Variants in SMAP2 observed in about 807,000 individuals in gnomAD.
SMAP2 encodes the protein small ArfGAP2, also known as stromal membrane-associated protein 2.
Under a neutral mutation model 56.4 loss-of-function variants are expected in SMAP2, and 25 were observed. The observed-to-expected ratio is 0.44, with a 90% CI of 0.32 to 0.62. The LOEUF (loss-of-function observed/expected upper bound fraction) is 0.62. Ranked by LOEUF, SMAP2 falls within the 20% of genes least tolerant of loss-of-function variation. The probability of loss-of-function intolerance (pLI) is 0.04; values close to 1 mark genes in which losing one functional copy is unlikely to be tolerated. For synonymous variants in SMAP2, 157 were observed against 181.7 expected, an observed-to-expected ratio of 0.86 and a Z score of 1.09; for missense variants, 388 against 545.6, an observed-to-expected ratio of 0.71 and a Z score of 2.88.
At chr1:40,371,264 T>A (rs982879415), upstream of SMAP2, among the ~76,000 whole-genome samples, 2 of 151,960 alleles carry the variant, frequency 1.3e-5, no homozygotes, top group Non-Finnish European at 2.9e-5. Context: ...GCAAGACTAG[T>A]CAAAGCAAAA....
At chr1:40,394,896 C>T (rs990026264) in intron 1 of SMAP2, among the ~76,000 whole-genome samples, 1 of 152,106 alleles carries the variant, frequency 6.6e-6, no homozygotes, top group East Asian at 1.9e-4. Context: ...TGTATCCCAT[C>T]CCCAAATCAG....
At chr1:40,347,242 T>G (rs66855799) in intron 1 of SMAP2, among the ~76,000 whole-genome samples, 616 of 30,492 alleles carry the variant, frequency 0.02, 10 homozygotes, top group African/African-American at 0.084. Flanking sequence ...GTGTGTGTGT[T>G]TTGTTTTTGT....
intron 3 of SMAP2, among the ~76,000 whole-genome samples, chr1:40,409,184 C>G (rs908679359): frequency 3.9e-5 from 6 of 152,210 alleles, no homozygotes; most frequent in Non-Finnish European, 7.3e-5. Context: ...CTTTCTTCCA[C>G]CATCTGTTCA....
intron 9 of SMAP2, among the ~76,000 whole-genome samples, chr1:40,420,549 G>GATTGACACATTTGCAAAGA (rs1553122791): frequency 6.6e-6 from 1 of 152,128 alleles, no homozygotes; most frequent in Non-Finnish European, 1.5e-5. Flanking sequence ...AAGAGCAAAG[G>GATTGACACATTTGCAAAGA]ATTGACACAT....
chr1:40,386,853 C>CTTTTT lies in SMAP2; in HGVS notation c.103+12644_103+12648dup, dbSNP rs57984975. 7.9e-6 allele frequency among the ~76,000 whole-genome samples: 1 copy of CTTTTT among 127,364 alleles called. No individual in the cohort carries two copies. The highest frequency in any genetic ancestry group is 1.7e-5 in the Non-Finnish European group (1 of 60,206). The allele number at this position is 127,364 out of a possible 152,430, so 83.6% of individuals were successfully genotyped here. A position where few individuals can be genotyped will look rare whatever the true frequency, so the allele number is the denominator to read the frequency against. On this transcript the variant is annotated intron_variant, in intron 1 of 9. Transcript: ENST00000372718. This position sits in a 1 kb window ranked among gnomAD's most constrained non-coding sequence, Gnocchi z 4.1. ...GATGCTGAAGGTATTTTTCATAATT[C>CTTTTT]TTTTTTTTTTTTTTTTTTGGAGACA...
At chr1:40,362,859 G>T (rs574233013) in intron 2 of SMAP2, among the ~76,000 whole-genome samples, 1 of 152,150 alleles carries the variant, frequency 6.6e-6, no homozygotes. Context: ...GAATTCCAGG[G>T]TGATGATTAC....
At chr1:40,345,403 G>C (rs1455281404) in intron 1 of SMAP2, among the ~76,000 whole-genome samples, 1 of 149,866 alleles carries the variant, frequency 6.7e-6, no homozygotes, top group Non-Finnish European at 1.5e-5. Context: ...AAAAAAAAAA[G>C]TAAACAGCAT....
rs1403920798 is a variant in SMAP2 at position 40,385,881 on chromosome 1, G to A, written c.103+11658G>A. On this transcript the variant is annotated intron_variant, in intron 1 of 9. Transcript: ENST00000372718. This position sits in a 1 kb window ranked among gnomAD's most constrained non-coding sequence, Gnocchi z 4.5. ...CTAACTGGAAGTCCCCAAATGTGTGGATTTAGAAATGAGTTCTCTAGTGTT... is the reference window on the plus strand; with the variant it reads ...CTAACTGGAAGTCCCCAAATGTGTGAATTTAGAAATGAGTTCTCTAGTGTT... Among the ~76,000 whole-genome samples, 1 of 152,200 alleles carries A rather than the reference G, an allele frequency of 6.6e-6. No homozygotes were observed. Among genetic ancestry groups the A allele is most frequent in the African/African-American group, 2.4e-5 (1 of 41,436 alleles).
intron 9 of SMAP2, among the ~76,000 whole-genome samples, chr1:40,419,942 G>A (rs186389218): frequency 6.6e-4 from 100 of 152,140 alleles, no homozygotes; most frequent in African/African-American, 2.2e-3. Context: ...ATGTAGCTCT[G>A]GTCTTTGAAG....
chr1:40,400,616 C>T (rs2982508), intron 1 of SMAP2, among the ~76,000 whole-genome samples: 32,704 of 151,752 alleles, frequency 0.22, 4,856 homozygotes, highest in African/African-American at 0.43. Flanking sequence ...CTGACTGACG[C>T]AATGGAATGG....
Position 40,379,557 on chromosome 1 carries a change from T to C in SMAP2, c.103+5334T>C, listed in dbSNP as rs551074140. On this transcript the variant is annotated intron_variant, in intron 1 of 9. Coordinates refer to ENST00000372718, the MANE Select transcript of SMAP2 (RefSeq NM_022733.3). ...ATTTGGAAGACACTGTTGTCTCTCT[T>C]TTTTTTTTTTTTTTTTTTTTTTGAG... Among the ~76,000 whole-genome samples the C allele has an allele frequency of 8.8e-5, 5 of 56,506 alleles. No homozygotes were observed. In the South Asian group the frequency reaches 1.9e-3, roughly 21 times the overall value. The allele number at this position is 56,506 out of a possible 152,430, so 37.1% of individuals were successfully genotyped here. A position where few individuals can be genotyped will look rare whatever the true frequency, so the allele number is the denominator to read the frequency against.
At chr1:40,416,537 A>G (rs1294624972) in intron 8 of SMAP2, among the ~76,000 whole-genome samples, 196 bp downstream of exon 8, 1 of 152,208 alleles carries the variant, frequency 6.6e-6, no homozygotes, top group Non-Finnish European at 1.5e-5. Flanking sequence ...GTCTGGGGTC[A>G]CAATTCGGTG....
intron 1 of SMAP2, among the ~76,000 whole-genome samples, chr1:40,352,600 A>G (rs909790084): frequency 6.6e-6 from 1 of 152,036 alleles, no homozygotes; most frequent in African/African-American, 2.4e-5. Flanking sequence ...GTGCAGTGGC[A>G]TGATCATAGC....
At chr1:40,384,339 A>T (rs77101338) in intron 1 of SMAP2, among the ~76,000 whole-genome samples, 8,582 of 152,250 alleles carry the variant, frequency 0.056, 815 homozygotes, top group African/African-American at 0.2. Flanking sequence ...TGGGTGAGGG[A>T]GGCAAGATCA....
chr1:40,353,356 TA>T (rs1463540132), intron 1 of SMAP2, among the ~76,000 whole-genome samples: 3 of 152,186 alleles, frequency 2.0e-5, no homozygotes, highest in Non-Finnish European at 4.4e-5. Flanking sequence ...TGCACCAGAA[TA>T]GTCACCCAGA....
intron 1 of SMAP2, among the ~76,000 whole-genome samples, chr1:40,388,581 C>T (rs1644685076): frequency 6.6e-6 from 1 of 152,030 alleles, no homozygotes; most frequent in Admixed American, 6.6e-5. Flanking sequence ...TCTAGCTAAT[C>T]TGGTGGGGAT....
chr1:40,407,023 T>C (rs1644892037), intron 2 of SMAP2, among the ~76,000 whole-genome samples, 154 bp downstream of exon 2: 1 of 152,226 alleles, frequency 6.6e-6, no homozygotes, highest in African/African-American at 2.4e-5. Flanking sequence ...ACAGAAATTT[T>C]TATTCTTTCT....
At position 40,422,233 on chromosome 1, in the gene SMAP2, G is replaced by A; in HGVS notation, c.*132G>A. The A allele has an allele frequency of 7.7e-7, 1 of 1,301,356 alleles. No individual in the cohort carries two copies. 80.6% of individuals were successfully genotyped at this position (1,301,356 alleles called of 1,614,324 possible). A position where few individuals can be genotyped will look rare whatever the true frequency, so the allele number is the denominator to read the frequency against. ...AGAAATTGCTCAATAAGTCATTTGG[G>A]GTTTGGCATCCTGCCCAGCCACTTC... On this transcript the variant is annotated 3_prime_UTR_variant, in exon 10 of 10. Transcript: ENST00000372718.
At chr1:40,370,505 A>C (rs1241146826), upstream of SMAP2, among the ~76,000 whole-genome samples, 1 of 72,768 alleles carries the variant, frequency 1.4e-5, no homozygotes, top group East Asian at 3.3e-4. Context: ...GCACATATAC[A>C]CCATGGAATA....
Sources: gnomAD v4.1 joint callset for allele counts (sites outside exome capture counted in the v4.1 genomes callset) on GRCh38, gnomAD v4.1.1 for gene constraint, Gnocchi (gnomAD v3.1) non-coding constraint, MANE v1.5 for transcripts, NCBI Gene and HGNC (gene_info 2026-07-23, HGNC 2026-07-21) for gene names.